Variants in TSPEAR observed in about 807,000 individuals in gnomAD.
TSPEAR encodes the protein thrombospondin type laminin G domain and EAR repeats, also known as thrombospondin-type laminin G domain and EAR repeat-containing protein.
Under a neutral mutation model 71.6 loss-of-function variants are expected in TSPEAR, and 69 were observed. The observed-to-expected ratio is 0.96, with a 90% CI of 0.79 to 1.18. The LOEUF (loss-of-function observed/expected upper bound fraction) is 1.18. Ranked by LOEUF, TSPEAR falls within the 50% of genes most tolerant of loss-of-function variation. The probability of loss-of-function intolerance (pLI) is 0.00; values close to 1 mark genes in which losing one functional copy is unlikely to be tolerated. For synonymous variants in TSPEAR, 402 were observed against 387.2 expected, an observed-to-expected ratio of 1.04 and a Z score of -0.45; for missense variants, 971 against 894.9, an observed-to-expected ratio of 1.09 and a Z score of -1.09.
chr21:44,551,927 C>G (rs1182874871), intron 2 of TSPEAR, among the ~76,000 whole-genome samples: 1 of 152,146 alleles, frequency 6.6e-6, no homozygotes, highest in African/African-American at 2.4e-5. Context: ...GATGGAGGTG[C>G]CTGTGTTGGG....
chr21:44,513,902 C>T (rs137886332), intron 9 of TSPEAR, among the ~76,000 whole-genome samples: 3,282 of 152,182 alleles, frequency 0.022, 51 homozygotes, highest in East Asian at 0.057. Context: ...ACAAGCATCC[C>T]GGGTGGCCAT....
intron 1 of TSPEAR, among the ~76,000 whole-genome samples, chr21:44,639,304 C>T (rs927201336): frequency 2.6e-5 from 4 of 152,208 alleles, no homozygotes; most frequent in Admixed American, 6.5e-5. Context: ...GCACTCTTTC[C>T]GCCAGGTCGC....
chr21:44,632,680 A>G (rs1224890440), intron 1 of TSPEAR, among the ~76,000 whole-genome samples: 4 of 152,048 alleles, frequency 2.6e-5, no homozygotes, highest in African/African-American at 9.7e-5. Context: ...CTAAAAATAC[A>G]CACACAAAAA....
intron 1 of TSPEAR, among the ~76,000 whole-genome samples, chr21:44,707,221 C>CA (rs2146339498): frequency 1.3e-5 from 2 of 152,294 alleles, no homozygotes; most frequent in South Asian, 4.1e-4. Flanking sequence ...CTGCCCTCCC[C>CA]ACTCCTGCCG....
intron 1 of TSPEAR, among the ~76,000 whole-genome samples, chr21:44,622,581 C>T (rs1439405846): frequency 3.3e-5 from 5 of 152,182 alleles, no homozygotes; most frequent in Non-Finnish European, 7.3e-5. Flanking sequence ...CCTTGGCGTC[C>T]CTTGGCTTAT....
intron 1 of TSPEAR, among the ~76,000 whole-genome samples, chr21:44,664,778 C>A (rs1985666564): frequency 6.6e-6 from 1 of 152,184 alleles, no homozygotes; most frequent in Non-Finnish European, 1.5e-5. Context: ...TACGTCCATG[C>A]AAAAACCTGG....
At chr21:44,686,102 G>C (rs1569259277) in intron 1 of TSPEAR, among the ~76,000 whole-genome samples, 1 of 152,120 alleles carries the variant, frequency 6.6e-6, no homozygotes, top group Non-Finnish European at 1.5e-5. Flanking sequence ...GTTTGTGTGA[G>C]CTCCAGATGG....
intron 2 of TSPEAR, among the ~76,000 whole-genome samples, chr21:44,534,496 G>C (rs1356245199): frequency 2.6e-5 from 4 of 151,572 alleles, no homozygotes; most frequent in African/African-American, 9.7e-5. Context: ...CAGGGCTGAT[G>C]TGTGAGAGGG....
intron 5 of TSPEAR, 151 bp from the exon 6 acceptor site, chr21:44,528,734 C>T (rs782037204): frequency 4.9e-6 from 5 of 1,029,220 alleles, no homozygotes; most frequent in Non-Finnish European, 6.9e-6. Context: ...CACAAGCCTG[C>T]CACATCACAG....
At chr21:44,504,273 A>C (rs1555911577) in intron 11 of TSPEAR, among the ~76,000 whole-genome samples, 2 of 119,810 alleles carry the variant, frequency 1.7e-5, no homozygotes, top group Non-Finnish European at 3.3e-5. Flanking sequence ...CCTCAGGGGG[A>C]AGCAGGGCTC....
chr21:44,515,413 T>A (rs1421822225), intron 9 of TSPEAR: 4 of 152,398 alleles, frequency 2.6e-5, no homozygotes, highest in Admixed American at 1.3e-4. Flanking sequence ...GAGTTCTGGT[T>A]CTGCTTTGGG....
intron 9 of TSPEAR, chr21:44,516,302 T>C (rs1164592473): frequency 1.3e-5 from 2 of 152,362 alleles, no homozygotes; most frequent in African/African-American, 4.8e-5. Context: ...GCCTTGTTTA[T>C]CTGGGAGCGC....
At chr21:44,650,924 G>A (rs1458555623) in intron 1 of TSPEAR, among the ~76,000 whole-genome samples, 1 of 152,216 alleles carries the variant, frequency 6.6e-6, no homozygotes, top group East Asian at 1.9e-4. Flanking sequence ...GAAGTCTGAG[G>A]CCGGAATCTG....
At position 44,648,212 on chromosome 21, in the gene TSPEAR, C is replaced by T. The variant is rs587644376; in HGVS notation, c.82+63221G>A. On this transcript the variant is annotated intron_variant, in intron 1 of 11. Transcript: ENST00000323084. The stretch of plus-strand genomic sequence containing the variant: ...GGTGAGGAGACACAGAGCAAAAAGA[C>T]ACCTTATCGATGAACCCTTAGGACA... Among the ~76,000 whole-genome samples the T allele has an allele frequency of 2.6e-5, 4 of 152,328 alleles. No homozygotes were observed. In the South Asian group the frequency reaches 6.2e-4, roughly 24 times the overall value.
rs1040907103 is a variant in TSPEAR at position 44,498,334 on chromosome 21, C to T, written c.*1449G>A. 1.7e-4 allele frequency: 26 copies of T among 152,196 alleles called. No individual in the cohort carries two copies. Among genetic ancestry groups the T allele is most frequent in the Admixed American group, 1.7e-3 (26 of 15,282 alleles). The allele number at this position is 152,196 out of a possible 1,614,324, so 9.4% of individuals were successfully genotyped here. ...TGAGGCCAATCATGTGTGATTGGGA[C>T]CTTCTGAGTGACTTGGTGGAAAGCA... On this transcript the variant is annotated 3_prime_UTR_variant, in exon 12 of 12. Transcript: ENST00000323084.
At chr21:44,596,908 T>A (rs1407508138) in intron 1 of TSPEAR, among the ~76,000 whole-genome samples, 1 of 152,254 alleles carries the variant, frequency 6.6e-6, no homozygotes, top group African/African-American at 2.4e-5. Flanking sequence ...GATATACAGA[T>A]AGGAAATGTG....
intron 1 of TSPEAR, among the ~76,000 whole-genome samples, chr21:44,588,787 G>GTATA (rs34985016): frequency 0.023 from 3,379 of 147,506 alleles, 49 homozygotes; most frequent in Middle Eastern, 0.056. Context: ...ATGTGTGTGT[G>GTATA]TATATATATA....
chr21:44,586,336 C>G (rs1979336874), intron 1 of TSPEAR, among the ~76,000 whole-genome samples: 1 of 152,202 alleles, frequency 6.6e-6, no homozygotes, highest in Admixed American at 6.5e-5. Context: ...CCTTACTGAC[C>G]TGGTCTGCAG....
chr21:44,617,025 T>TG (rs1316519852), intron 1 of TSPEAR, among the ~76,000 whole-genome samples: 11 of 152,140 alleles, frequency 7.2e-5, no homozygotes, highest in East Asian at 1.9e-4. Flanking sequence ...AAAACACACA[T>TG]GGGGGGTCTC....
Sources: allele counts gnomAD v4.1 joint callset (sites outside exome capture counted in the v4.1 genomes callset), GRCh38; gene constraint gnomAD v4.1.1; transcripts MANE v1.5; gene names NCBI Gene and HGNC (gene_info 2026-07-23, HGNC 2026-07-21).